The following DIS3L2 variants were observed in gnomAD, a reference collection of about 807,000 sequenced individuals.
The protein encoded by DIS3L2 is DIS3 like 3'-5' exoribonuclease 2.
In DIS3L2, 34 loss-of-function variants were observed where a neutral mutation model predicts 97.5. The observed-to-expected ratio is 0.35, with a 90% CI of 0.27 to 0.46. The LOEUF (loss-of-function observed/expected upper bound fraction) is 0.46, where lower values mean the gene tolerates loss of function less well. Ranked by LOEUF, DIS3L2 falls within the 20% of genes least tolerant of loss-of-function variation. The probability of loss-of-function intolerance (pLI) is 1.00; values close to 1 mark genes in which losing one functional copy is unlikely to be tolerated. For missense variants in DIS3L2, 1,038 were observed against 1,146.0 expected (o/e 0.91, Z 1.36); for synonymous variants, 435 against 445.2 (o/e 0.98, Z 0.29).
Position 232,097,811 on chromosome 2 carries a change from G to A in DIS3L2, c.601+10090G>A, listed in dbSNP as rs529435501. Among the ~76,000 whole-genome samples, 64 of 152,254 alleles carry A rather than the reference G, an allele frequency of 4.2e-4. 1 individual carries two copies. The South Asian group carries it at 0.013, about 32-fold the overall frequency. On this transcript the variant is annotated intron_variant, in intron 6 of 20. Coordinates refer to ENST00000325385, the MANE Select transcript of DIS3L2 (RefSeq NM_152383.5). ...TTTCTTTTTTCTCTGCTTTTCTCAA[G>A]CAGATGGAGTCTCTCGCGATAGCCA... is the stretch of plus-strand genomic sequence containing the variant.
intron 11 of DIS3L2, among the ~76,000 whole-genome samples, chr2:232,247,382 G>A (rs928608461): frequency 2.0e-5 from 3 of 152,010 alleles, no homozygotes; most frequent in Admixed American, 6.6e-5. Context: ...TAGCCAATTC[G>A]GTTCCTGGTG....
chr2:232,240,192 C>T (rs2106254320), intron 11 of DIS3L2, among the ~76,000 whole-genome samples: 1 of 152,322 alleles, frequency 6.6e-6, no homozygotes, highest in South Asian at 2.1e-4. Flanking sequence ...CTCCCCTGCC[C>T]CAGGACAGTA....
intron 5 of DIS3L2, among the ~76,000 whole-genome samples, chr2:232,085,198 A>C (rs1021822052): frequency 2.4e-4 from 37 of 152,198 alleles, no homozygotes; most frequent in African/African-American, 8.2e-4. Flanking sequence ...CTACTGATAA[A>C]CTAGGCACAC....
At chr2:232,097,391 G>A (rs916310325) in intron 6 of DIS3L2, among the ~76,000 whole-genome samples, 15 of 152,186 alleles carry the variant, frequency 9.9e-5, no homozygotes, top group South Asian at 6.2e-4. Flanking sequence ...TGGGTCTCAC[G>A]CAAGGCCCAC....
intron 12 of DIS3L2, chr2:232,259,901 G>T (rs1023523310): frequency 6.6e-6 from 1 of 152,170 alleles, no homozygotes; most frequent in African/African-American, 2.4e-5. Flanking sequence ...CAAAGTGCTG[G>T]GATTGCAGGC....
chr2:232,297,793 G>A (rs2017025), intron 13 of DIS3L2, among the ~76,000 whole-genome samples: 15 of 146,014 alleles, frequency 1.0e-4, no homozygotes, highest in Admixed American at 4.2e-4. Flanking sequence ...ACCTCCACCC[G>A]CCAGGTTCAA....
intron 7 of DIS3L2, chr2:232,131,682 A>C (rs1052416413): frequency 6.6e-6 from 1 of 152,096 alleles, no homozygotes; most frequent in Admixed American, 6.6e-5. Context: ...TATGTTTCAG[A>C]AGCATCCATC....
chr2:232,270,122 A>G (rs1217396539), intron 13 of DIS3L2, among the ~76,000 whole-genome samples: 1 of 152,168 alleles, frequency 6.6e-6, no homozygotes, highest in African/African-American at 2.4e-5. Flanking sequence ...CCACCTGGGG[A>G]CACCACCGTG....
intron 13 of DIS3L2, among the ~76,000 whole-genome samples, chr2:232,267,638 CAT>C (rs1693887113): frequency 6.6e-6 from 1 of 152,208 alleles, no homozygotes; most frequent in Admixed American, 6.5e-5. Flanking sequence ...GCTTTATAAT[CAT>C]ATCCAAATCT....
intron 6 of DIS3L2, among the ~76,000 whole-genome samples, chr2:232,099,968 CT>C (rs1457402595): frequency 6.6e-6 from 1 of 152,008 alleles, no homozygotes; most frequent in African/African-American, 2.4e-5. Flanking sequence ...TTTGATAACT[CT>C]TGCTCATCAA....
At chr2:232,183,003 C>A (rs937228419) in intron 9 of DIS3L2, among the ~76,000 whole-genome samples, 4 of 152,084 alleles carry the variant, frequency 2.6e-5, no homozygotes, top group Non-Finnish European at 5.9e-5. Context: ...AAACTCTAAC[C>A]CCCAAATTAT....
chr2:231,980,854 C>T (rs929290327), intron 1 of DIS3L2, among the ~76,000 whole-genome samples: 1 of 152,042 alleles, frequency 6.6e-6, no homozygotes, highest in African/African-American at 2.4e-5. Context: ...TTGTTTAGGT[C>T]CCTTTTATGT....
intron 7 of DIS3L2, among the ~76,000 whole-genome samples, chr2:232,135,581 G>A (rs1698332889): frequency 6.6e-6 from 1 of 152,150 alleles, no homozygotes; most frequent in South Asian, 2.1e-4. Flanking sequence ...CATGTTTTGG[G>A]ACTGAGCTTG....
At chr2:232,036,951 G>A (rs758199373) in intron 5 of DIS3L2, among the ~76,000 whole-genome samples, 1 of 152,192 alleles carries the variant, frequency 6.6e-6, no homozygotes, top group Non-Finnish European at 1.5e-5. Flanking sequence ...TGTATGAGGT[G>A]TCTGTTGACC....
chr2:232,336,293 A>C (rs751608929), intron 20 of DIS3L2, 176 bp from the exon 21 acceptor site: 3 of 1,546,396 alleles, frequency 1.9e-6, no homozygotes, highest in African/African-American at 1.4e-5. Flanking sequence ...TGACTCCCCA[A>C]CTCTGCCCTG....
intron 5 of DIS3L2, among the ~76,000 whole-genome samples, chr2:232,078,092 G>A (rs1696270920): frequency 6.8e-6 from 1 of 146,130 alleles, no homozygotes; most frequent in Non-Finnish European, 1.5e-5. Context: ...CACCCAGGCT[G>A]GAGTGCAGTG....
intron 10 of DIS3L2, among the ~76,000 whole-genome samples, chr2:232,227,573 G>A (rs575688106): frequency 7.1e-4 from 108 of 152,258 alleles, no homozygotes; most frequent in African/African-American, 1.3e-3. Flanking sequence ...CTTTTGTGAC[G>A]TCTTGGGGAG....
intron 14 of DIS3L2, among the ~76,000 whole-genome samples, chr2:232,300,964 T>G (rs911178138): frequency 7.0e-6 from 1 of 142,788 alleles, no homozygotes; most frequent in African/African-American, 2.7e-5. Flanking sequence ...ACAGACTGCC[T>G]CCTTGACTGT....
chr2:232,203,713 TG>T (rs1344889742), intron 9 of DIS3L2, among the ~76,000 whole-genome samples: 1 of 152,174 alleles, frequency 6.6e-6, no homozygotes, highest in East Asian at 1.9e-4. Context: ...AGACAGTGGC[TG>T]TTGCCATCAG....
Sources: gnomAD v4.1 joint callset for allele counts (sites outside exome capture counted in the v4.1 genomes callset) on GRCh38, gnomAD v4.1.1 for gene constraint, MANE v1.5 for transcripts, NCBI Gene and HGNC (gene_info 2026-07-23, HGNC 2026-07-21) for gene names.